SEMA3A: variants seen among roughly 807,000 people sequenced by gnomAD.
The protein encoded by SEMA3A is semaphorin-3A.
In SEMA3A, 29 loss-of-function variants were observed where a neutral mutation model predicts 97.9. That is an observed-to-expected ratio of 0.30 (90% CI 0.22 to 0.40). The LOEUF (loss-of-function observed/expected upper bound fraction) is 0.40, where lower values mean the gene tolerates loss of function less well. SEMA3A is among the 10% of genes least tolerant of loss of function. The probability of loss-of-function intolerance (pLI) is 1.00; values close to 1 mark genes in which losing one functional copy is unlikely to be tolerated. For missense variants in SEMA3A, 763 were observed against 951.3 expected (o/e 0.80, Z 2.60); for synonymous variants, 321 against 323.7 (o/e 0.99, Z 0.09).
chr7:84,046,301 A>G lies in SEMA3A; in HGVS notation c.667+23T>C, dbSNP rs1336655440. The G allele has an allele frequency of 3.7e-6, 6 of 1,611,604 alleles. No individual in the cohort carries two copies. The South Asian group carries it at 6.6e-5, about 18-fold the overall frequency. On this transcript the variant is annotated intron_variant, in intron 6 of 16. Transcript: ENST00000265362. Reference sequence around the variant, plus strand: ...ATACAGTTACACATGTTACATGTCTATGTTCTTTCATAAACCACCTACCAT... The same window carrying G: ...ATACAGTTACACATGTTACATGTCTGTGTTCTTTCATAAACCACCTACCAT...
chr7:84,239,336 G>T (rs1280519696), intron 3 of SEMA3A, among the ~76,000 whole-genome samples: 1 of 152,078 alleles, frequency 6.6e-6, no homozygotes, highest in Admixed American at 6.5e-5. Context: ...GGCTTTTGTT[G>T]AAAATAAATT....
chr7:83,977,268 A>C, intron 14 of SEMA3A, 72 bp from the exon 15 acceptor site: 2 of 760,652 alleles, frequency 2.6e-6, no homozygotes, highest in Admixed American at 5.0e-5. Flanking sequence ...CATAAGAATG[A>C]AGAGAAATAA....
At chr7:84,203,984 A>G (rs896749946) in intron 3 of SEMA3A, among the ~76,000 whole-genome samples, 3 of 152,172 alleles carry the variant, frequency 2.0e-5, no homozygotes, top group African/African-American at 4.8e-5. Flanking sequence ...CCTTCAAAAC[A>G]TAGGAAATTT....
At chr7:84,490,199 C>CAAA (rs35030948) in intron 1 of SEMA3A, among the ~76,000 whole-genome samples, 3,314 of 100,896 alleles carry the variant, frequency 0.033, 104 homozygotes, top group African/African-American at 0.079. Context: ...GCTTTTCCAG[C>CAAA]AAAAAAAAAA....
At chr7:84,279,761 G>A (rs1194518799) in intron 3 of SEMA3A, among the ~76,000 whole-genome samples, 1 of 152,160 alleles carries the variant, frequency 6.6e-6, no homozygotes, top group Non-Finnish European at 1.5e-5. Context: ...AAAACTTCTT[G>A]AAGTTAGTCA....
chr7:84,282,511 C>T (rs1420173148), intron 3 of SEMA3A, among the ~76,000 whole-genome samples: 1 of 152,110 alleles, frequency 6.6e-6, no homozygotes, highest in Non-Finnish European at 1.5e-5. Context: ...ACATAATTGT[C>T]TTTCCTATCC....
At chr7:84,080,119 T>C (rs1489505617) in intron 4 of SEMA3A, among the ~76,000 whole-genome samples, 3 of 135,490 alleles carry the variant, frequency 2.2e-5, no homozygotes, top group Admixed American at 7.6e-5. Context: ...AACCAAACAC[T>C]GCATGTTCTC....
intron 2 of SEMA3A, among the ~76,000 whole-genome samples, chr7:84,132,051 A>C (rs1005478211): frequency 1.3e-5 from 2 of 152,176 alleles, no homozygotes; most frequent in Non-Finnish European, 2.9e-5. Context: ...AGACACCAGC[A>C]ATCTGCAGGG....
chr7:84,063,400 C>A (rs554561158), intron 4 of SEMA3A, among the ~76,000 whole-genome samples: 2 of 151,040 alleles, frequency 1.3e-5, no homozygotes, highest in African/African-American at 2.4e-5. Context: ...TCACCAGCAA[C>A]GGAACAAAGC....
intron 1 of SEMA3A, among the ~76,000 whole-genome samples, chr7:84,418,403 C>G (rs1418742591): frequency 6.6e-6 from 1 of 151,972 alleles, no homozygotes; most frequent in African/African-American, 2.4e-5. Context: ...GGGAAAGACC[C>G]ACTCCCATGA....
At chr7:84,395,649 G>T (rs1282215410) in intron 1 of SEMA3A, among the ~76,000 whole-genome samples, 2 of 151,948 alleles carry the variant, frequency 1.3e-5, no homozygotes, top group Non-Finnish European at 2.9e-5. Flanking sequence ...TCAAGATAGT[G>T]TGTGAGTTCT....
intron 1 of SEMA3A, among the ~76,000 whole-genome samples, chr7:84,375,996 T>A (rs879862168): frequency 6.6e-6 from 1 of 152,168 alleles, no homozygotes; most frequent in Non-Finnish European, 1.5e-5. Flanking sequence ...TCCAGTTCCA[T>A]CCATGTCCTT....
chr7:84,425,615 CAT>C (rs1034866399), intron 1 of SEMA3A, among the ~76,000 whole-genome samples: 9 of 145,952 alleles, frequency 6.2e-5, no homozygotes, highest in Non-Finnish European at 1.2e-4. Context: ...TAAATATTAA[CAT>C]ATATTTATGT....
At chr7:84,425,996 T>C (rs1584316499) in intron 1 of SEMA3A, among the ~76,000 whole-genome samples, 1 of 151,346 alleles carries the variant, frequency 6.6e-6, no homozygotes. Context: ...CTAAATACTG[T>C]AAATTCTCAT....
At chr7:83,997,972 G>A (rs979838375) in intron 12 of SEMA3A, among the ~76,000 whole-genome samples, 6 of 151,880 alleles carry the variant, frequency 4.0e-5, no homozygotes, top group Non-Finnish European at 5.9e-5. Context: ...TCTTGACCTC[G>A]TGATTCGCAT....
chr7:84,043,888 G>A (rs1274062429), intron 6 of SEMA3A, among the ~76,000 whole-genome samples: 1 of 152,024 alleles, frequency 6.6e-6, no homozygotes, highest in African/African-American at 2.4e-5. Flanking sequence ...TTTTCCCACA[G>A]TGTAAATTCT....
chr7:83,974,746 A>G (rs1192146771), intron 15 of SEMA3A, among the ~76,000 whole-genome samples: 1 of 152,062 alleles, frequency 6.6e-6, no homozygotes, highest in Non-Finnish European at 1.5e-5. Context: ...AGTGTAATTT[A>G]TGGTGTATAT....
intron 4 of SEMA3A, among the ~76,000 whole-genome samples, chr7:84,063,507 G>T: frequency 1.3e-5 from 2 of 150,218 alleles, no homozygotes; most frequent in African/African-American, 4.9e-5. Flanking sequence ...AGGCAAAGAA[G>T]TTGAAAACTT....
At chr7:84,448,135 T>C (rs562184174) in intron 1 of SEMA3A, among the ~76,000 whole-genome samples, 11 of 152,164 alleles carry the variant, frequency 7.2e-5, no homozygotes, top group Non-Finnish European at 1.5e-4. Flanking sequence ...GGGCCAGTAC[T>C]GTGAGCCGTG....
Sources: gnomAD v4.1 joint callset for allele counts (sites outside exome capture counted in the v4.1 genomes callset) on GRCh38, gnomAD v4.1.1 for gene constraint, MANE v1.5 for transcripts, NCBI Gene and HGNC (gene_info 2026-07-23, HGNC 2026-07-21) for gene names.